The following LMO7 variants were observed in gnomAD, a reference collection of about 807,000 sequenced individuals.
The protein encoded by LMO7 is LIM domain only protein 7.
Under a neutral mutation model 206.5 loss-of-function variants are expected in LMO7, and 120 were observed. The ratio of observed to expected loss-of-function variants is 0.58; its 90% CI spans 0.50 to 0.68. LMO7 has a LOEUF of 0.68. Among genes scored for constraint, LMO7 ranks in the 30% least tolerant of loss-of-function variants. The pLI, the probability that LMO7 is intolerant of heterozygous loss-of-function variation, is 0.00. For missense variants in LMO7, 1,959 were observed against 1,957.9 expected (o/e 1.00, Z -0.01); for synonymous variants, 706 against 681.5 (o/e 1.04, Z -0.56).
At position 75,833,130 on chromosome 13, in the gene LMO7, A is replaced by T; in HGVS notation, c.3029A>T (p.Asp1010Val). 6.2e-7 allele frequency: 1 copy of T among 1,608,216 alleles called. No homozygotes were observed. Among genetic ancestry groups the T allele is most frequent in the Non-Finnish European group, 8.5e-7 (1 of 1,174,774 alleles). The change falls in exon 16 of 31, where the codon GAT becomes GTT. Residue 1010 changes from aspartate (D) to valine (V), a missense_variant. Coordinates refer to ENST00000377534, the MANE Select transcript of LMO7 (RefSeq NM_001306080.2). Reference sequence around the variant, plus strand: ...GACTTTGGGTTTACAATAAAATGGGATATTCCTGGGATCTTCGTAGCATCA... The same window carrying T: ...GACTTTGGGTTTACAATAAAATGGGTTATTCCTGGGATCTTCGTAGCATCA... ...SLDFGFTIKW[D>V]IPGIFVASVE... is the part of the protein sequence containing the mutation.
At chr13:75,790,892 G>C (rs751289925) in intron 4 of LMO7, among the ~76,000 whole-genome samples, 8 of 151,938 alleles carry the variant, frequency 5.3e-5, no homozygotes, top group Non-Finnish European at 7.4e-5. Flanking sequence ...ACATGTAAAA[G>C]TTAATGTATG....
intron 1 of LMO7, among the ~76,000 whole-genome samples, chr13:75,650,016 T>C (rs905272502): frequency 6.6e-6 from 1 of 152,188 alleles, no homozygotes; most frequent in East Asian, 1.9e-4. Flanking sequence ...TTTATGTTTT[T>C]TGTAGAGATG....
chr13:75,790,696 A>G (rs1323644819), intron 4 of LMO7, among the ~76,000 whole-genome samples: 1 of 152,146 alleles, frequency 6.6e-6, no homozygotes, highest in East Asian at 1.9e-4. Context: ...AGATGATTAG[A>G]GCTGCATGAG....
At chr13:75,679,418 G>A (rs755044751) in intron 1 of LMO7, among the ~76,000 whole-genome samples, 5 of 152,170 alleles carry the variant, frequency 3.3e-5, no homozygotes, top group Non-Finnish European at 5.9e-5. Flanking sequence ...AAACGAGTAA[G>A]ACTCAGATGA....
chr13:75,816,465 C>T (rs2057008193), intron 11 of LMO7, among the ~76,000 whole-genome samples: 1 of 152,212 alleles, frequency 6.6e-6, no homozygotes, highest in African/African-American at 2.4e-5. Context: ...CCCAACACCC[C>T]ACTCTGTTCA....
chr13:75,806,977 C>G (rs374243853), intron 9 of LMO7: 1 of 155,632 alleles, frequency 6.4e-6, no homozygotes, highest in African/African-American at 2.4e-5. Flanking sequence ...AAAAATTAGC[C>G]AGGCATGATA....
chr13:75,624,379 C>T (rs1003195732), intron 2 of LMO7, among the ~76,000 whole-genome samples: 5 of 152,172 alleles, frequency 3.3e-5, no homozygotes, highest in Non-Finnish European at 7.3e-5. Context: ...TGTCAAGGTC[C>T]ACCTTCTCTC....
rs1316793412 is a variant in LMO7, at chr13:75,636,404, C to T, written c.-254C>T. ...GCTTCCCGCGTCCTGCCTGACTGCC[C>T]GGGTCCCCGCGGGCCTTGGGTCGCT... On this transcript the variant is annotated 5_prime_UTR_variant, in exon 1 of 31. Transcript: ENST00000377534. The T allele has an allele frequency of 2.3e-6, 3 of 1,326,158 alleles. No individual in the cohort carries two copies. In the South Asian group the frequency reaches 4.8e-5, roughly 21 times the overall value. The allele number at this position is 1,326,158 out of a possible 1,614,324, so 82.1% of individuals were successfully genotyped here. A position where few individuals can be genotyped will look rare whatever the true frequency, so the allele number is the denominator to read the frequency against.
intron 1 of LMO7, among the ~76,000 whole-genome samples, chr13:75,675,619 G>A (rs945925788): frequency 6.6e-6 from 1 of 152,050 alleles, no homozygotes; most frequent in Non-Finnish European, 1.5e-5. Context: ...CTGTGGTATT[G>A]GTGGAATTCT....
At chr13:75,815,212 A>C (rs964148994) in intron 11 of LMO7, among the ~76,000 whole-genome samples, 3 of 152,072 alleles carry the variant, frequency 2.0e-5, no homozygotes, top group African/African-American at 7.2e-5. Context: ...ATGATGTGAT[A>C]ATTGTTATAA....
chr13:75,759,578 A>G (rs2047974766), intron 3 of LMO7, among the ~76,000 whole-genome samples: 1 of 152,114 alleles, frequency 6.6e-6, no homozygotes, highest in Non-Finnish European at 1.5e-5. Flanking sequence ...ACTTCATCTT[A>G]TTTAAAACGA....
At chr13:75,777,867 G>T (rs1394477553) in intron 4 of LMO7, among the ~76,000 whole-genome samples, 2 of 151,932 alleles carry the variant, frequency 1.3e-5, no homozygotes, top group Admixed American at 6.6e-5. Context: ...GGATGGTCTC[G>T]ATCTCCTGAC....
intron 3 of LMO7, among the ~76,000 whole-genome samples, chr13:75,752,574 T>C (rs1415780183): frequency 6.6e-6 from 1 of 152,202 alleles, no homozygotes; most frequent in Non-Finnish European, 1.5e-5. Context: ...CGGCCTCCCA[T>C]CATCCACCCC....
chr13:75,833,825 G>GT (rs1049460732), intron 16 of LMO7, among the ~76,000 whole-genome samples: 23 of 152,166 alleles, frequency 1.5e-4, no homozygotes, highest in African/African-American at 4.8e-4. Context: ...TAGTTATGGA[G>GT]TAATTTTAAG....
Position 75,776,162 on chromosome 13 carries a change from GATAT to G in LMO7, c.317+15164_317+15167del, listed in dbSNP as rs58964680. Among the ~76,000 whole-genome samples the G allele has an allele frequency of 6.1e-3, 223 of 36,778 alleles. 4 individuals carry two copies. Among genetic ancestry groups the G allele is most frequent in the East Asian group, 0.038 (30 of 798 alleles). 24.1% of individuals were successfully genotyped at this position (36,778 alleles called of 152,430 possible). A position where few individuals can be genotyped will look rare whatever the true frequency, so the allele number is the denominator to read the frequency against. On this transcript the variant is annotated intron_variant, in intron 4 of 30. Transcript: ENST00000377534. ...ATATATATGCCATGTATATATATCGGATATATATATATATATATATATATATATA... is the reference window on the plus strand; with the variant it reads ...ATATATATGCCATGTATATATATCGGATATATATATATATATATATATATA...
rs552236505 is a variant in LMO7, at chr13:75,670,966, C to CTTTTT, written c.69+34253_69+34257dup. ...TACCTTTTTTTTTTAATGTTTAAAA[C>CTTTTT]TTTTTTTTTTTTTTTTTACTATTTA... On this transcript the variant is annotated intron_variant, in intron 1 of 30. Transcript: ENST00000377534. Among the ~76,000 whole-genome samples the CTTTTT allele has an allele frequency of 2.7e-4, 27 of 100,080 alleles. 3 individuals carry two copies. The highest frequency in any genetic ancestry group is 7.2e-4 in the African/African-American group (20 of 27,886). The allele number at this position is 100,080 out of a possible 152,430, so 65.7% of individuals were successfully genotyped here. A position where few individuals can be genotyped will look rare whatever the true frequency, so the allele number is the denominator to read the frequency against.
chr13:75,857,928 G>A lies in LMO7; in HGVS notation c.4881G>A (p.Arg1627=). ...TTCTCCTTGCCCGATCAGCTGGACG[G>A]CCAACCGCCATGTGATGTAAGCCTC... ...NDCYLRFKSG[R]PTAM The change falls in exon 31 of 31, where the codon CGG becomes CGA. Residue 1627 remains arginine (R), a synonymous_variant. Transcript: ENST00000377534. 1 of 1,598,192 alleles carries A rather than the reference G, an allele frequency of 6.3e-7. No homozygotes were observed. The highest frequency in any genetic ancestry group is 8.5e-7 in the Non-Finnish European group (1 of 1,173,412).
intron 3 of LMO7, 69 bp from the exon 4 acceptor site, chr13:75,760,863 C>A: frequency 6.3e-7 from 1 of 1,593,958 alleles, no homozygotes; most frequent in South Asian, 1.1e-5. Context: ...GAAGTTATAT[C>A]ATAAAAATTT....
rs1202549409 is a variant in LMO7 at position 75,825,805 on chromosome 13, A to G, written c.2949+1932A>G. Among the ~76,000 whole-genome samples the G allele has an allele frequency of 2.0e-5, 3 of 152,252 alleles. No homozygotes were observed. In the East Asian group the frequency reaches 5.8e-4, roughly 29 times the overall value. On this transcript the variant is annotated intron_variant, in intron 15 of 30. Transcript: ENST00000377534. ...TGAGCAATATGTAAAGGGCCTGTGC[A>G]ACACTCCCTGAAACTCTATTCAGAT...
Sources: allele counts gnomAD v4.1 joint callset (sites outside exome capture counted in the v4.1 genomes callset), GRCh38; gene constraint gnomAD v4.1.1; transcripts MANE v1.5; gene names NCBI Gene and HGNC (gene_info 2026-07-23, HGNC 2026-07-21).